ANO4: variants seen among roughly 807,000 people sequenced by gnomAD.
ANO4 encodes anoctamin 4.
ANO4 carries 69 observed loss-of-function variants against 141.9 expected under a neutral mutation model. That is an observed-to-expected ratio of 0.49 (90% CI 0.40 to 0.59). ANO4 has a LOEUF of 0.59. Among genes scored for constraint, ANO4 ranks in the 20% least tolerant of loss-of-function variants. ANO4 has a pLI of 0.00. For missense variants in ANO4, 894 were observed against 1,162.2 expected (o/e 0.77, Z 3.36); for synonymous variants, 350 against 394.3 (o/e 0.89, Z 1.33).
chr12:100,824,123 T>C (rs137917302), intron 1 of ANO4, among the ~76,000 whole-genome samples: 106 of 152,124 alleles, frequency 7.0e-4, no homozygotes, highest in Non-Finnish European at 1.3e-3. Context: ...GAGTTTGTTT[T>C]GTGCAACTTG....
chr12:100,907,565 CATG>C (rs1463976525), intron 2 of ANO4, among the ~76,000 whole-genome samples: 1 of 152,218 alleles, frequency 6.6e-6, no homozygotes, highest in Non-Finnish European at 1.5e-5. Flanking sequence ...CTCCTAACAT[CATG>C]CGTTGTCCCT....
At chr12:100,817,863 G>T (rs1413151727) in intron 1 of ANO4, among the ~76,000 whole-genome samples, 1 of 151,766 alleles carries the variant, frequency 6.6e-6, no homozygotes, top group Admixed American at 6.6e-5. Flanking sequence ...GGGGCTAAGG[G>T]TTTTACTTCA....
intron 3 of ANO4, among the ~76,000 whole-genome samples, chr12:100,755,613 G>C (rs1435453232): frequency 6.6e-6 from 1 of 152,154 alleles, no homozygotes. Context: ...TTAAAATGCT[G>C]TAATGATCAC....
chr12:101,011,992 A>G (rs2046115921), intron 8 of ANO4, among the ~76,000 whole-genome samples: 1 of 152,086 alleles, frequency 6.6e-6, no homozygotes, highest in Non-Finnish European at 1.5e-5. Context: ...TAAAAAAAAA[A>G]TGGAAAAACC....
chr12:101,103,885 T>C (rs904191897), intron 22 of ANO4, among the ~76,000 whole-genome samples: 6 of 151,984 alleles, frequency 3.9e-5, no homozygotes, highest in African/African-American at 1.4e-4. Flanking sequence ...ACTTTAATTA[T>C]AGATTTATTT....
At chr12:101,026,749 A>G (rs2046752771) in intron 9 of ANO4, among the ~76,000 whole-genome samples, 1 of 152,242 alleles carries the variant, frequency 6.6e-6, no homozygotes, top group South Asian at 2.1e-4. Context: ...CAAATGGATT[A>G]TAGTTCAAAG....
intron 7 of ANO4, among the ~76,000 whole-genome samples, chr12:100,985,176 C>A (rs1465082743): frequency 1.3e-5 from 2 of 152,214 alleles, no homozygotes; most frequent in Non-Finnish European, 2.9e-5. Flanking sequence ...GGAAGGCCAC[C>A]ATCTTAGCTG....
intron 5 of ANO4, 103 bp downstream of exon 5, chr12:100,942,638 T>G: frequency 7.9e-7 from 1 of 1,272,580 alleles, no homozygotes; most frequent in Non-Finnish European, 1.1e-6. Flanking sequence ...AAACATTTCA[T>G]TTGGTCAGAG....
At chr12:100,808,589 T>C (rs940267959) in intron 1 of ANO4, among the ~76,000 whole-genome samples, 1 of 152,218 alleles carries the variant, frequency 6.6e-6, no homozygotes, top group Non-Finnish European at 1.5e-5. Context: ...TAAGATATTC[T>C]TCCTATATAT....
chr12:100,952,568 T>C (rs755302927), intron 5 of ANO4, among the ~76,000 whole-genome samples: 2 of 152,144 alleles, frequency 1.3e-5, no homozygotes, highest in Admixed American at 6.5e-5. Flanking sequence ...ACCTGGTAGA[T>C]GGCAAGAGAT....
intron 1 of ANO4, among the ~76,000 whole-genome samples, chr12:100,885,267 G>A (rs900685828): frequency 1.3e-5 from 2 of 152,228 alleles, no homozygotes; most frequent in African/African-American, 4.8e-5. Flanking sequence ...CATTTTAGCA[G>A]AGCCATCATT....
intron 1 of ANO4, among the ~76,000 whole-genome samples, chr12:100,808,811 G>T (rs978977973): frequency 6.6e-6 from 1 of 152,024 alleles, no homozygotes; most frequent in African/African-American, 2.4e-5. Context: ...CCTATATTTC[G>T]AATTGTTGAT....
intron 9 of ANO4, among the ~76,000 whole-genome samples, chr12:101,031,458 A>G (rs1230941121): frequency 1.3e-5 from 2 of 152,116 alleles, no homozygotes; most frequent in African/African-American, 2.4e-5. Flanking sequence ...AACTATGACA[A>G]ACCCACAGCC....
chr12:100,755,169 C>T (rs1428145797), intron 3 of ANO4, among the ~76,000 whole-genome samples: 1 of 152,148 alleles, frequency 6.6e-6, no homozygotes, highest in East Asian at 1.9e-4. Context: ...ATGGTCTAAC[C>T]TGGCCTATCT....
chr12:100,997,247 T>C (rs1384801552), intron 8 of ANO4, among the ~76,000 whole-genome samples: 1 of 146,852 alleles, frequency 6.8e-6, no homozygotes, highest in African/African-American at 2.5e-5. Context: ...GGTAGGAGAA[T>C]AGCTTGAACC....
chr12:100,946,030 A>G (rs1034456388), intron 5 of ANO4, among the ~76,000 whole-genome samples: 1 of 152,230 alleles, frequency 6.6e-6, no homozygotes, highest in Non-Finnish European at 1.5e-5. Flanking sequence ...AGGGGCTTGC[A>G]ATTTTATAAA....
intron 14 of ANO4, among the ~76,000 whole-genome samples, chr12:101,078,218 A>G (rs2136847986): frequency 6.6e-6 from 1 of 152,284 alleles, no homozygotes; most frequent in African/African-American, 2.4e-5. Context: ...ACCTTCTGTA[A>G]GTCTAACTGC....
chr12:101,083,613 A>T, intron 15 of ANO4, 65 bp from the exon 16 acceptor site: 1 of 1,536,028 alleles, frequency 6.5e-7, no homozygotes, highest in African/African-American at 1.4e-5. Flanking sequence ...GGGTAAAATG[A>T]TATTTCTTTT....
At chr12:101,048,724 T>C (rs1419495911) in intron 14 of ANO4, among the ~76,000 whole-genome samples, 2 of 152,170 alleles carry the variant, frequency 1.3e-5, no homozygotes, top group Non-Finnish European at 1.5e-5. Flanking sequence ...ACCATCTCAG[T>C]ATATATAGGA....
Sources: gnomAD v4.1 joint callset for allele counts (sites outside exome capture counted in the v4.1 genomes callset) on GRCh38, gnomAD v4.1.1 for gene constraint, MANE v1.5 for transcripts, NCBI Gene and HGNC (gene_info 2026-07-23, HGNC 2026-07-21) for gene names.